Variants in CCDC171 observed in about 807,000 individuals in gnomAD.
The protein encoded by CCDC171 is coiled-coil domain containing 171.
A neutral mutation model predicts 168.2 loss-of-function variants in CCDC171; 177 were observed. That is an observed-to-expected ratio of 1.05 (90% CI 0.93 to 1.19). CCDC171 has a LOEUF of 1.19. CCDC171 is among the 50% of genes most tolerant of loss of function. The pLI is 0.00. For synonymous variants in CCDC171, 687 were observed against 540.8 expected (o/e 1.27, Z -3.75); for missense variants, 1,991 against 1,539.0 (o/e 1.29, Z -4.91).
intron 24 of CCDC171, among the ~76,000 whole-genome samples, chr9:15,911,807 C>A (rs963178537): frequency 5.9e-5 from 9 of 152,178 alleles, no homozygotes; most frequent in South Asian, 2.1e-4. Context: ...AATAGGGAAT[C>A]CTTTCCCCAT....
chr9:15,558,011 A>T (rs201837661), intron 1 of CCDC171, among the ~76,000 whole-genome samples: 13 of 152,068 alleles, frequency 8.5e-5, no homozygotes, highest in Non-Finnish European at 1.5e-4. Flanking sequence ...GGTTTTTGTC[A>T]TTGGTTCTGT....
At chr9:15,951,255 G>T (rs2987074) in intron 25 of CCDC171, among the ~76,000 whole-genome samples, 1 of 144,468 alleles carries the variant, frequency 6.9e-6, no homozygotes, top group Non-Finnish European at 1.5e-5. Flanking sequence ...AATTGAACTC[G>T]GCTCTGCACC....
chr9:15,703,650 AT>A (rs2051976265), intron 11 of CCDC171, among the ~76,000 whole-genome samples: 1 of 152,182 alleles, frequency 6.6e-6, no homozygotes, highest in Non-Finnish European at 1.5e-5. Context: ...ATATCCCTTT[AT>A]CCATTGATGG....
At chr9:15,675,734 A>G (rs994263129) in intron 9 of CCDC171, among the ~76,000 whole-genome samples, 1 of 152,220 alleles carries the variant, frequency 6.6e-6, no homozygotes, top group Non-Finnish European at 1.5e-5. Flanking sequence ...GTTTCTGCCA[A>G]GAGATCCGCT....
chr9:15,645,748 GA>G (rs2046983888), intron 7 of CCDC171, among the ~76,000 whole-genome samples: 2 of 152,198 alleles, frequency 1.3e-5, no homozygotes, highest in Non-Finnish European at 2.9e-5. Context: ...GGGACTATGT[GA>G]AAAGACCACA....
intron 21 of CCDC171, among the ~76,000 whole-genome samples, chr9:15,792,548 A>C (rs1029327198): frequency 1.3e-5 from 2 of 152,194 alleles, no homozygotes. Context: ...GAAATGAAGG[A>C]AAAAATGTTA....
chr9:15,848,841 A>T (rs530915581), intron 22 of CCDC171, 52 bp from the exon 23 acceptor site: 1 of 957,576 alleles, frequency 1.0e-6, no homozygotes, highest in African/African-American at 1.7e-5. Context: ...AATGTGTAAC[A>T]GTTGTAGTAA....
intron 3 of CCDC171, among the ~76,000 whole-genome samples, chr9:15,987,072 A>G (rs1186003055): frequency 1.8e-5 from 2 of 110,524 alleles, no homozygotes; most frequent in Non-Finnish European, 3.6e-5. Flanking sequence ...TAATATTGGC[A>G]TAGAGAAGGC....
chr9:15,941,918 C>T (rs923204894), intron 25 of CCDC171, among the ~76,000 whole-genome samples: 3 of 151,856 alleles, frequency 2.0e-5, no homozygotes, highest in Admixed American at 6.6e-5. Context: ...CACACATTGA[C>T]CACATTGCTT....
chr9:15,720,747 T>C (rs1204523866), intron 11 of CCDC171, among the ~76,000 whole-genome samples: 1 of 152,212 alleles, frequency 6.6e-6, no homozygotes, highest in Non-Finnish European at 1.5e-5. Flanking sequence ...TGTGCAGGTT[T>C]GTTCCGTGTG....
the CCDC171 span, among the ~76,000 whole-genome samples, chr9:16,108,195 C>T: frequency 1.3e-5 from 2 of 152,074 alleles, no homozygotes; most frequent in Admixed American, 1.3e-4. Context: ...TGTCATAGGC[C>T]GAGAATGATA....
intron 21 of CCDC171, among the ~76,000 whole-genome samples, chr9:15,828,816 A>T (rs1403925630): frequency 6.6e-6 from 1 of 152,224 alleles, no homozygotes; most frequent in Non-Finnish European, 1.5e-5. Flanking sequence ...TCTCTGTAAT[A>T]TTTTTCTCTT....
intron 18 of CCDC171, among the ~76,000 whole-genome samples, chr9:15,777,278 A>C (rs1055733853): frequency 1.3e-5 from 2 of 152,198 alleles, no homozygotes; most frequent in Non-Finnish European, 2.9e-5. Context: ...AAGCTTTGGC[A>C]GTTGTAAATA....
intron 7 of CCDC171, among the ~76,000 whole-genome samples, chr9:15,647,528 G>T (rs1329263528): frequency 4.6e-5 from 7 of 151,408 alleles, no homozygotes; most frequent in Non-Finnish European, 7.4e-5. Context: ...AAAGAGAGAA[G>T]AATCAAATAG....
intron 3 of CCDC171, among the ~76,000 whole-genome samples, chr9:16,005,445 G>A (rs1222633513): frequency 6.6e-6 from 1 of 152,156 alleles, no homozygotes; most frequent in Non-Finnish European, 1.5e-5. Flanking sequence ...ATTGTGAATA[G>A]TGCTACTATA....
In CCDC171 at chr9:15,707,416, C is replaced by T. The variant is rs562350099; in HGVS notation, c.1318+12079C>T. 6.7e-4 allele frequency among the ~76,000 whole-genome samples: 102 copies of T among 152,292 alleles called. 1 individual carries two copies. The highest frequency in any genetic ancestry group is 2.5e-3 in the African/African-American group (102 of 41,568). ...ATTTGATAACAATAGAAACTCATTT[C>T]TATTTTGCTTCATCTATTCAGAGTA... is the stretch of plus-strand genomic sequence containing the variant. On this transcript the variant is annotated intron_variant, in intron 11 of 25. Transcript: ENST00000380701.
chr9:15,669,518 A>G (rs1052274480), intron 9 of CCDC171, among the ~76,000 whole-genome samples: 3 of 152,108 alleles, frequency 2.0e-5, no homozygotes, highest in Middle Eastern at 3.2e-3. Context: ...TATGTGATAG[A>G]TTATTGTTAA....
chr9:15,908,748 C>T (rs143078489), intron 24 of CCDC171, among the ~76,000 whole-genome samples: 2 of 152,174 alleles, frequency 1.3e-5, no homozygotes, highest in African/African-American at 4.8e-5. Flanking sequence ...CTTCAGGAAG[C>T]TTAAGATTCT....
rs1815737609 is a variant in CCDC171 at position 15,971,917 on chromosome 9, T to C, written c.*81T>C. On this transcript the variant is annotated 3_prime_UTR_variant, in exon 26 of 26. Coordinates refer to ENST00000380701, the MANE Select transcript of CCDC171 (RefSeq NM_173550.4). The stretch of plus-strand genomic sequence containing the variant: ...AATGGGAATTTTCTTATCAGTTGAC[T>C]TTTGTTTCAGCAGAAGTGGCAGTGG... 1 of 1,261,454 alleles carries C rather than the reference T, an allele frequency of 7.9e-7. No individual in the cohort carries two copies. Among genetic ancestry groups the C allele is most frequent in the Non-Finnish European group, 1.1e-6 (1 of 879,524 alleles). The allele number at this position is 1,261,454 out of a possible 1,614,324, so 78.1% of individuals were successfully genotyped here. A position where few individuals can be genotyped will look rare whatever the true frequency, so the allele number is the denominator to read the frequency against.
Sources: allele counts gnomAD v4.1 joint callset (sites outside exome capture counted in the v4.1 genomes callset), GRCh38; gene constraint gnomAD v4.1.1; transcripts MANE v1.5; gene names NCBI Gene and HGNC (gene_info 2026-07-23, HGNC 2026-07-21).